The following HNRNPC variants were observed in gnomAD, a reference collection of about 807,000 sequenced individuals.
HNRNPC encodes the protein heterogeneous nuclear ribonucleoproteins C1/C2.
HNRNPC carries 3 observed loss-of-function variants against 33.2 expected under a neutral mutation model. That is an observed-to-expected ratio of 0.09 (90% CI 0.04 to 0.23). The LOEUF (loss-of-function observed/expected upper bound fraction) is 0.23. Ranked by LOEUF, HNRNPC falls within the 10% of genes least tolerant of loss-of-function variation. The probability of loss-of-function intolerance (pLI) is 1.00; values close to 1 mark genes in which losing one functional copy is unlikely to be tolerated. For missense variants in HNRNPC, 143 were observed against 366.7 expected (o/e 0.39, Z 4.98); for synonymous variants, 121 against 126.7 (o/e 0.96, Z 0.30).
At chr14:21,223,381 C>G (rs1354708568) in intron 5 of HNRNPC, among the ~76,000 whole-genome samples, 2 of 152,082 alleles carry the variant, frequency 1.3e-5, no homozygotes, top group Non-Finnish European at 2.9e-5. Flanking sequence ...AGAAATATCT[C>G]CCACCTACTA....
intron 2 of HNRNPC, among the ~76,000 whole-genome samples, chr14:21,260,670 TA>T (rs1878082707): frequency 6.6e-6 from 1 of 151,516 alleles, no homozygotes; most frequent in Non-Finnish European, 1.5e-5. Flanking sequence ...CTACTAAAAA[TA>T]GAAAAATTTA....
intron 1 of HNRNPC, among the ~76,000 whole-genome samples, 162 bp downstream of exon 1, chr14:21,269,136 G>A (rs887843559): frequency 2.6e-5 from 4 of 152,040 alleles, no homozygotes; most frequent in Non-Finnish European, 4.4e-5. Flanking sequence ...AGAGGCTGAG[G>A]CCTATAAAAC....
intron 2 of HNRNPC, among the ~76,000 whole-genome samples, chr14:21,245,892 C>T (rs1428084435): frequency 6.6e-6 from 1 of 152,014 alleles, no homozygotes; most frequent in Non-Finnish European, 1.5e-5. Context: ...GTCACTAAGG[C>T]TGGAGTGCAG....
chr14:21,240,565 G>C (rs1895223612), intron 2 of HNRNPC, among the ~76,000 whole-genome samples: 1 of 152,152 alleles, frequency 6.6e-6, no homozygotes, highest in Admixed American at 6.5e-5. Context: ...GGAATTTGCT[G>C]AGAGCTGAGC....
chr14:21,260,007 G>T (rs1322520912), intron 2 of HNRNPC, among the ~76,000 whole-genome samples: 1 of 150,056 alleles, frequency 6.7e-6, no homozygotes, highest in East Asian at 1.9e-4. Flanking sequence ...AGACCATCCC[G>T]GCTAAAACGG....
At chr14:21,268,694 T>TAATTA (rs1315923205) in intron 1 of HNRNPC, 1 of 152,214 alleles carries the variant, frequency 6.6e-6, no homozygotes, top group Admixed American at 6.5e-5. Flanking sequence ...CAGCTGTAAA[T>TAATTA]ATTAATATAG....
chr14:21,258,305 G>A (rs757458533), intron 2 of HNRNPC, among the ~76,000 whole-genome samples: 29 of 151,810 alleles, frequency 1.9e-4, no homozygotes, highest in Admixed American at 9.8e-4. Flanking sequence ...CACAAGAATC[G>A]CTTGAACCCA....
Position 21,213,487 on chromosome 14 carries a change from A to G in HNRNPC, c.366-370T>C, listed in dbSNP as rs1290156037. 4.4e-5 allele frequency: 8 copies of G among 183,014 alleles called. No homozygotes were observed. In the South Asian group the frequency reaches 7.8e-4, roughly 18 times the overall value. 11.3% of individuals were successfully genotyped at this position (183,014 alleles called of 1,614,324 possible). A position where few individuals can be genotyped will look rare whatever the true frequency, so the allele number is the denominator to read the frequency against. ...TGGATCTTATTATTTTCAAATATAC[A>G]TTACAATAAACAATTCACATACGGT... On this transcript the variant is annotated intron_variant, in intron 5 of 8. Transcript: ENST00000553300.
chr14:21,223,869 A>G (rs1004646671), intron 5 of HNRNPC, among the ~76,000 whole-genome samples: 2 of 152,186 alleles, frequency 1.3e-5, no homozygotes, highest in African/African-American at 2.4e-5. Context: ...TTCCCAAAAG[A>G]AAGATATAAT....
Position 21,228,779 on chromosome 14 carries a change from A to G in HNRNPC, c.365+1540T>C, listed in dbSNP as rs115598005. ...TCCTTAGTTTTCAAAATGTTCACAC[A>G]TAACTGTAAAAATCTGAGGAAAGGG... On this transcript the variant is annotated intron_variant, in intron 5 of 8. Transcript: ENST00000553300. 8.0e-3 allele frequency among the ~76,000 whole-genome samples: 1,216 copies of G among 152,216 alleles called. 19 individuals are homozygous for G. The highest frequency in any genetic ancestry group is 0.028 in the African/African-American group (1,158 of 41,534).
At chr14:21,256,441 C>T (rs78084020) in intron 2 of HNRNPC, among the ~76,000 whole-genome samples, 23,686 of 151,694 alleles carry the variant, frequency 0.16, 2,139 homozygotes, top group South Asian at 0.23. Flanking sequence ...GAGAGCAAAA[C>T]TCCATCTCCC....
chr14:21,227,388 C>T (rs554207383), intron 5 of HNRNPC, among the ~76,000 whole-genome samples: 1 of 152,208 alleles, frequency 6.6e-6, no homozygotes, highest in African/African-American at 2.4e-5. Context: ...TACCTAGTTG[C>T]TCCACTAGTT....
intron 5 of HNRNPC, among the ~76,000 whole-genome samples, chr14:21,223,686 T>C (rs1425900192): frequency 6.6e-6 from 1 of 151,996 alleles, no homozygotes; most frequent in Non-Finnish European, 1.5e-5. Context: ...GAGACAGAGG[T>C]TGCCGTGAGC....
intron 2 of HNRNPC, among the ~76,000 whole-genome samples, chr14:21,247,282 G>A (rs1030143223): frequency 2.0e-5 from 3 of 152,062 alleles, no homozygotes; most frequent in Non-Finnish European, 4.4e-5. Context: ...TAGCTCCAGC[G>A]TTAAGAAAAT....
chr14:21,241,137 G>A (rs1268985701), intron 2 of HNRNPC, among the ~76,000 whole-genome samples: 2 of 151,462 alleles, frequency 1.3e-5, no homozygotes, highest in Non-Finnish European at 2.9e-5. Context: ...GCAGGCGTCT[G>A]TAATCCCAGC....
Position 21,213,023 on chromosome 14 carries a change from G to T in HNRNPC, c.460C>A (p.Arg154=), listed in dbSNP as rs779034719. Residue 154 remains arginine (R), a synonymous_variant, in exon 6 of 9, where the codon CGA becomes AGA. Transcript: ENST00000553300. ...KRQRVSGNTS[R]RGKSGFNSKS... is the part of the protein sequence containing the mutation. ...GAATTGAAGCCACTTTTGCCCCTTC[G>T]TGAAGTGTTTCCTGATACACGCTGA... 3 of 1,613,944 alleles carry T rather than the reference G, an allele frequency of 1.9e-6. No individual in the cohort carries two copies. The South Asian group carries it at 3.3e-5, about 18-fold the overall frequency.
intron 5 of HNRNPC, among the ~76,000 whole-genome samples, chr14:21,224,885 A>G (rs565691845): frequency 6.6e-6 from 1 of 152,260 alleles, no homozygotes; most frequent in Non-Finnish European, 1.5e-5. Flanking sequence ...CCATGGAGTA[A>G]TAACAGCACT....
At chr14:21,238,503 C>CA (rs1381986295) in intron 2 of HNRNPC, among the ~76,000 whole-genome samples, 12 of 152,148 alleles carry the variant, frequency 7.9e-5, no homozygotes, top group African/African-American at 2.7e-4. Context: ...AATGTACATA[C>CA]AAGCTTGGGA....
At chr14:21,246,284 G>A (rs1030936292) in intron 2 of HNRNPC, among the ~76,000 whole-genome samples, 1 of 152,106 alleles carries the variant, frequency 6.6e-6, no homozygotes, top group Non-Finnish European at 1.5e-5. Flanking sequence ...CAAAGGCTGG[G>A]CGCGGTGGCT....
Sources: gnomAD v4.1 joint callset for allele counts (sites outside exome capture counted in the v4.1 genomes callset) on GRCh38, gnomAD v4.1.1 for gene constraint, MANE v1.5 for transcripts, NCBI Gene and HGNC (gene_info 2026-07-23, HGNC 2026-07-21) for gene names.